CSMD1: variants seen among roughly 807,000 people sequenced by gnomAD.
CSMD1 encodes the protein CUB and sushi domain-containing protein 1.
A neutral mutation model predicts 417.5 loss-of-function variants in CSMD1; 213 were observed. The observed-to-expected ratio is 0.51, with a 90% CI of 0.46 to 0.57. CSMD1 has a LOEUF of 0.57. CSMD1 is among the 20% of genes least tolerant of loss of function. CSMD1 has a pLI of 0.00. For synonymous variants in CSMD1, 2,862 were observed against 1,736.8 expected (o/e 1.65, Z -16.11); for missense variants, 6,923 against 4,529.7 (o/e 1.53, Z -15.17).
intron 18 of CSMD1, 142 bp downstream of exon 18, chr8:3,387,349 CGAT>C (rs1196923662): frequency 3.8e-5 from 23 of 607,274 alleles, no homozygotes; most frequent in Non-Finnish European, 6.3e-5. Context: ...GGGAATGATA[CGAT>C]GATGGTATAC....
chr8:3,177,928 C>T (rs1437855800), intron 37 of CSMD1, among the ~76,000 whole-genome samples: 3 of 152,088 alleles, frequency 2.0e-5, no homozygotes, highest in Admixed American at 1.3e-4. Flanking sequence ...TAGAAAAGAA[C>T]GCAGAACAAG....
At chr8:4,312,032 G>C (rs554191524) in intron 3 of CSMD1, among the ~76,000 whole-genome samples, 1 of 152,108 alleles carries the variant, frequency 6.6e-6, no homozygotes, top group African/African-American at 2.4e-5. Flanking sequence ...ATTATAGTGT[G>C]TTGAAATCAT....
At chr8:4,721,289 A>G (rs544271092) in intron 1 of CSMD1, among the ~76,000 whole-genome samples, 58 of 152,348 alleles carry the variant, frequency 3.8e-4, no homozygotes, top group African/African-American at 1.4e-3. Flanking sequence ...AGAAAGAAGA[A>G]ATAAATACAT....
In CSMD1 at chr8:3,566,047, G is replaced by A. The variant is rs1037152761; in HGVS notation, c.1344+8898C>T. On this transcript the variant is annotated intron_variant, in intron 10 of 69. Transcript: ENST00000635120. ...AACATAAACTCTTTGCCTGTCATAC[G>A]GGACCCTGTTTATATCTTTCTGACC... Among the ~76,000 whole-genome samples the A allele has an allele frequency of 3.3e-5, 5 of 152,018 alleles. 1 individual carries two copies. In the South Asian group the frequency reaches 6.2e-4, roughly 19 times the overall value.
chr8:4,662,549 T>C (rs1804669216), intron 1 of CSMD1, among the ~76,000 whole-genome samples: 1 of 152,234 alleles, frequency 6.6e-6, no homozygotes, highest in Non-Finnish European at 1.5e-5. Context: ...CTCGTCTCCC[T>C]GGAGAATGCT....
At chr8:3,785,404 G>C (rs1799404150) in intron 5 of CSMD1, among the ~76,000 whole-genome samples, 1 of 152,150 alleles carries the variant, frequency 6.6e-6, no homozygotes, top group African/African-American at 2.4e-5. Context: ...GTCTGTTCTG[G>C]TGAGAGGTCA....
intron 8 of CSMD1, among the ~76,000 whole-genome samples, chr8:3,604,301 G>T (rs529837282): frequency 5.3e-5 from 8 of 152,100 alleles, no homozygotes; most frequent in African/African-American, 1.2e-4. Flanking sequence ...GGAGGCTGCG[G>T]GGGGGGACCA....
intron 3 of CSMD1, among the ~76,000 whole-genome samples, chr8:4,105,099 T>G (rs191253619): frequency 1.5e-3 from 224 of 152,322 alleles, no homozygotes; most frequent in Non-Finnish European, 2.5e-3. Flanking sequence ...GGGAGGGTTT[T>G]AATGTGTCCT....
chr8:3,274,772 A>C (rs936658408), intron 26 of CSMD1, among the ~76,000 whole-genome samples: 2 of 151,438 alleles, frequency 1.3e-5, no homozygotes, highest in African/African-American at 4.9e-5. Flanking sequence ...TTTGTTTTCC[A>C]TTTGCTTGGT....
In CSMD1 at chr8:4,800,599, C is replaced by G. The variant is rs76176146; in HGVS notation, c.86-163041G>C. ...TCAGAGGCAGAGCAGGGAAGGACGC[C>G]TAGCAAAGGGGTAGAGTCACAGACC... On this transcript the variant is annotated intron_variant, in intron 1 of 69. Transcript: ENST00000635120. 4.6e-3 allele frequency among the ~76,000 whole-genome samples: 693 copies of G among 152,300 alleles called. 10 individuals are homozygous for G. The highest frequency in any genetic ancestry group is 0.016 in the African/African-American group (654 of 41,560).
chr8:4,329,447 C>A (rs902603601), intron 3 of CSMD1, among the ~76,000 whole-genome samples: 3 of 152,104 alleles, frequency 2.0e-5, no homozygotes, highest in African/African-American at 7.2e-5. Flanking sequence ...CGTCAGCACA[C>A]TGGCTAATTT....
At chr8:3,984,031 G>C (rs1477465169) in intron 5 of CSMD1, among the ~76,000 whole-genome samples, 1 of 148,346 alleles carries the variant, frequency 6.7e-6, no homozygotes, top group African/African-American at 2.5e-5. Context: ...CAGCTCTAGA[G>C]CACACGGCAG....
At chr8:4,221,944 A>G (rs1351795490) in intron 3 of CSMD1, among the ~76,000 whole-genome samples, 3 of 152,110 alleles carry the variant, frequency 2.0e-5, no homozygotes, top group African/African-American at 7.2e-5. Context: ...ACCAGTAACA[A>G]CACTGTCCAG....
At chr8:4,630,540 G>C (rs1802448942) in intron 2 of CSMD1, among the ~76,000 whole-genome samples, 1 of 152,044 alleles carries the variant, frequency 6.6e-6, no homozygotes, top group African/African-American at 2.4e-5. Flanking sequence ...AGCTTACCTA[G>C]GGGTCACTAA....
chr8:3,272,834 G>C (rs1476377625), intron 26 of CSMD1, among the ~76,000 whole-genome samples: 1 of 150,584 alleles, frequency 6.6e-6, no homozygotes, highest in Non-Finnish European at 1.5e-5. Flanking sequence ...ATTTTGGGCT[G>C]AGACAGTGGG....
chr8:3,283,439 G>GT (rs891526005), intron 26 of CSMD1, among the ~76,000 whole-genome samples: 21 of 151,390 alleles, frequency 1.4e-4, no homozygotes, highest in African/African-American at 2.2e-4. Flanking sequence ...AAAGTCGTAC[G>GT]TTTTTTTTTT....
chr8:3,002,360 G>C (rs991951206), intron 52 of CSMD1, among the ~76,000 whole-genome samples: 10 of 152,274 alleles, frequency 6.6e-5, no homozygotes, highest in African/African-American at 1.7e-4. Flanking sequence ...TCCAACCCTA[G>C]AGACAGGGAG....
chr8:4,353,019 C>T (rs1801189119), intron 3 of CSMD1, among the ~76,000 whole-genome samples: 1 of 152,168 alleles, frequency 6.6e-6, no homozygotes, highest in Middle Eastern at 3.2e-3. Flanking sequence ...CCTCTGGATA[C>T]TATTTCCTGA....
intron 4 of CSMD1, among the ~76,000 whole-genome samples, chr8:4,024,353 G>T (rs2554579): frequency 0.63 from 95,167 of 151,988 alleles, 30,152 homozygotes; most frequent in South Asian, 0.74. Flanking sequence ...TAAATCTTAT[G>T]GATTCTGTGG....
Sources: gnomAD v4.1 joint callset for allele counts (sites outside exome capture counted in the v4.1 genomes callset) on GRCh38, gnomAD v4.1.1 for gene constraint, MANE v1.5 for transcripts, NCBI Gene and HGNC (gene_info 2026-07-23, HGNC 2026-07-21) for gene names.